The following DNAH1 variants were observed in gnomAD, a reference collection of about 807,000 sequenced individuals.
DNAH1 encodes the protein axonemal beta dynein heavy chain 1.
Under a neutral mutation model 484.3 loss-of-function variants are expected in DNAH1, and 327 were observed. That is an observed-to-expected ratio of 0.68 (90% confidence interval 0.62 to 0.74). DNAH1 has a LOEUF of 0.74. Among genes scored for constraint, DNAH1 ranks in the 30% least tolerant of loss-of-function variants. The pLI is 0.00. For synonymous variants in DNAH1, 2,192 were observed against 2,191.9 expected (o/e 1.00, Z 0.00); for missense variants, 5,052 against 5,546.8 (o/e 0.91, Z 2.83).
intron 16 of DNAH1, 50 bp from the exon 17 acceptor site, chr3:52,351,911 CA>C (rs1702398341): frequency 6.4e-7 from 1 of 1,571,626 alleles, no homozygotes; most frequent in Non-Finnish European, 8.6e-7. Context: ...CTTGCCACTC[CA>C]CCACTTCAGC....
intron 8 of DNAH1, among the ~76,000 whole-genome samples, chr3:52,333,534 C>T (rs1225614686): frequency 2.0e-5 from 3 of 151,730 alleles, no homozygotes; most frequent in Admixed American, 1.3e-4. Flanking sequence ...ATTAAAGGCA[C>T]CCGCCACTAT....
intron 16 of DNAH1, 38 bp downstream of exon 16, chr3:52,350,628 G>A (rs1702337149): frequency 1.3e-6 from 2 of 1,582,754 alleles, no homozygotes; most frequent in Non-Finnish European, 1.7e-6. Context: ...GGTGCGGGGT[G>A]GAGCATGAGG....
rs1704655205 is a variant in DNAH1, at chr3:52,396,865, T to C, written c.11611-3T>C. 1 of 619,386 alleles carries C rather than the reference T, an allele frequency of 1.6e-6. No individual in the cohort carries two copies. Among genetic ancestry groups the C allele is most frequent in the Non-Finnish European group, 2.9e-6 (1 of 341,596 alleles). The allele number at this position is 619,386 out of a possible 1,614,324, so 38.4% of individuals were successfully genotyped here. Reference sequence around the variant, plus strand: ...GGGGAGCCCTCACCCACCCACCCCATAGGTCCTCAAGTACACGGCAGGGGA... The same window carrying C: ...GGGGAGCCCTCACCCACCCACCCCACAGGTCCTCAAGTACACGGCAGGGGA... On this transcript the variant is annotated splice_region_variant and splice_polypyrimidine_tract_variant and intron_variant, in intron 72 of 77. Transcript: ENST00000420323.
intron 4 of DNAH1, 44 bp downstream of exon 4, chr3:52,326,358 T>C: frequency 1.3e-6 from 2 of 1,567,934 alleles, no homozygotes; most frequent in Non-Finnish European, 1.7e-6. Context: ...GGAGGTGGCA[T>C]CCACCCGCCT....
intron 52 of DNAH1, 76 bp from the exon 53 acceptor site, chr3:52,384,710 C>T (rs534474016): frequency 4.9e-4 from 704 of 1,435,452 alleles, no homozygotes; most frequent in Non-Finnish European, 6.3e-4. Context: ...GCCCAGGTTG[C>T]AGTGGCTGTG....
intron 8 of DNAH1, among the ~76,000 whole-genome samples, chr3:52,340,882 G>A (rs1701913024): frequency 6.6e-6 from 1 of 151,122 alleles, no homozygotes; most frequent in African/African-American, 2.4e-5. Flanking sequence ...TTAATTTACA[G>A]ATAATTTGAA....
chr3:52,328,694 C>T (rs999646183), intron 6 of DNAH1, among the ~76,000 whole-genome samples: 1 of 152,268 alleles, frequency 6.6e-6, no homozygotes, highest in Admixed American at 6.5e-5. Flanking sequence ...TGGAGGCTCT[C>T]CCATTTCCTG....
At chr3:52,363,601 C>T (rs1006823615) in intron 32 of DNAH1, among the ~76,000 whole-genome samples, 7 of 152,216 alleles carry the variant, frequency 4.6e-5, no homozygotes, top group African/African-American at 1.7e-4. Flanking sequence ...GCCCAGGCAC[C>T]AGTGCTGGTG....
intron 7 of DNAH1, 70 bp from the exon 8 acceptor site, chr3:52,332,072 G>A: frequency 6.6e-7 from 1 of 1,508,954 alleles, no homozygotes; most frequent in Admixed American, 2.0e-5. Context: ...GGCACAGCCG[G>A]CCGGAACCTA....
At position 52,393,460 on chromosome 3, in the gene DNAH1, T is replaced by A. The variant is rs775892060; in HGVS notation, c.10601T>A (p.Met3534Lys). Reference sequence around the variant, plus strand: ...GCCTTCCTGCTGTGTGTTCGCATCATGATGAACGAGGGCAAAATCAACCAG... The same window carrying A: ...GCCTTCCTGCTGTGTGTTCGCATCAAGATGAACGAGGGCAAAATCAACCAG... ...MFAFLLCVRI[M>K]MNEGKINQSE... The change falls in exon 66 of 78, where the codon ATG (methionine) becomes AAG (lysine). Residue 3534 changes from methionine (M) to lysine (K), a missense_variant. Physicochemically the swap from Met to Lys is moderately conservative, Grantham distance 95 (BLOSUM62 -1). This residue lies in a region of DNAH1 where 2,929 missense variants were observed against 3,409.4 expected (regional missense o/e 0.86). Coordinates refer to ENST00000420323, the MANE Select transcript of DNAH1 (RefSeq NM_015512.5). 6.2e-7 allele frequency: 1 copy of A among 1,614,004 alleles called. No individual in the cohort carries two copies. The highest frequency in any genetic ancestry group is 1.7e-5 in the Admixed American group (1 of 60,018).
intron 27 of DNAH1, 63 bp from the exon 28 acceptor site, chr3:52,360,248 C>T (rs1702798435): frequency 1.3e-6 from 2 of 1,535,280 alleles, no homozygotes; most frequent in South Asian, 2.3e-5. Flanking sequence ...CTCTCCTTGA[C>T]TATATACCCT....
chr3:52,353,248 T>C lies in DNAH1; in HGVS notation c.3173T>C (p.Val1058Ala). 6.2e-7 allele frequency: 1 copy of C among 1,613,968 alleles called. No individual in the cohort carries two copies. Among genetic ancestry groups the C allele is most frequent in the Non-Finnish European group, 8.5e-7 (1 of 1,179,896 alleles). The change falls in exon 19 of 78, where the codon GTT becomes GCT. Residue 1058 changes from valine (V) to alanine (A), a missense_variant. By Grantham distance (64) the Val-to-Ala change is moderately conservative. Coordinates refer to ENST00000420323, the MANE Select transcript of DNAH1 (RefSeq NM_015512.5). The surrounding 1 kb of genome is among the most constrained non-coding windows in gnomAD (Gnocchi z 5.0). ...GCTGAGCAGCTGGAGAAGAACGTGG[T>C]TGAAGCCTTCAAGACCATGCACAAG... The part of the protein sequence containing the change: ...IDAEQLEKNV[V>A]EAFKTMHKCV...
chr3:52,315,046 AAAG>A (rs1700903127), upstream of DNAH1, among the ~76,000 whole-genome samples: 1 of 152,164 alleles, frequency 6.6e-6, no homozygotes, highest in South Asian at 2.1e-4. Flanking sequence ...TTTATTCATC[AAAG>A]AAATGATTAT....
At chr3:52,367,030 T>G in intron 36 of DNAH1, 143 bp downstream of exon 36, 3 of 1,024,020 alleles carry the variant, frequency 2.9e-6, no homozygotes, top group Non-Finnish European at 4.2e-6. Flanking sequence ...TCCATTCTAC[T>G]TCCTCGCTGA....
rs757346465 is a variant in DNAH1, at chr3:52,360,047, C to T, written c.4539C>T (p.Ser1513=). 5 of 1,613,888 alleles carry T rather than the reference C, an allele frequency of 3.1e-6. No homozygotes were observed. Among genetic ancestry groups the T allele is most frequent in the Non-Finnish European group, 3.4e-6 (4 of 1,179,886 alleles). ...AGCTAATCCAGGAGAACGTGGTCAG[C>T]GTGAATGACTTCCAGTGGATCTCAC... is the stretch of plus-strand genomic sequence containing the variant. ...VSKLIQENVV[S]VNDFQWISQL... The change falls in exon 27 of 78, where the codon AGC becomes AGT. Residue 1513 remains serine, a synonymous_variant. Coordinates refer to ENST00000420323, the MANE Select transcript of DNAH1 (RefSeq NM_015512.5).
intron 43 of DNAH1, 131 bp from the exon 44 acceptor site, chr3:52,372,765 C>T: frequency 8.1e-7 from 1 of 1,227,046 alleles, no homozygotes; most frequent in East Asian, 2.5e-5. Flanking sequence ...TGGGTCAAGG[C>T]ATCTAGCAAT....
chr3:52,338,011 C>T (rs1367807914), intron 8 of DNAH1, among the ~76,000 whole-genome samples: 2 of 152,068 alleles, frequency 1.3e-5, no homozygotes, highest in Admixed American at 1.3e-4. Flanking sequence ...CCAGCCTGGT[C>T]TCAAACATTT....
intron 34 of DNAH1, 51 bp from the exon 35 acceptor site, chr3:52,366,406 C>G: frequency 6.7e-7 from 1 of 1,486,978 alleles, no homozygotes; most frequent in African/African-American, 1.4e-5. Context: ...GTGGTGTGGC[C>G]AGGACCCAAG....
At chr3:52,333,996 A>T (rs984622505) in intron 8 of DNAH1, among the ~76,000 whole-genome samples, 1 of 152,220 alleles carries the variant, frequency 6.6e-6, no homozygotes, top group Non-Finnish European at 1.5e-5. Context: ...CACTGTAAGT[A>T]GAGGAGCATC....
Sources: gnomAD v4.1 joint callset for allele counts (sites outside exome capture counted in the v4.1 genomes callset) on GRCh38, gnomAD v4.1.1 for gene constraint, gnomAD v4.1.1 regional missense constraint, Gnocchi (gnomAD v3.1) non-coding constraint, MANE v1.5 for transcripts, NCBI Gene and HGNC (gene_info 2026-07-23, HGNC 2026-07-21) for gene names.